Variants in SCAF11 observed in about 807,000 individuals in gnomAD.
The protein encoded by SCAF11 is SR-related CTD associated factor 11.
Under a neutral mutation model 140.5 loss-of-function variants are expected in SCAF11, and 47 were observed. The observed-to-expected ratio is 0.33, with a 90% confidence interval of 0.26 to 0.43. The LOEUF is 0.43. Among genes scored for constraint, SCAF11 ranks in the 20% least tolerant of loss-of-function variants. The pLI is 1.00. For synonymous variants in SCAF11, 557 were observed against 579.4 expected (o/e 0.96, Z 0.55); for missense variants, 1,645 against 1,705.1 (o/e 0.96, Z 0.62).
intron 6 of SCAF11, among the ~76,000 whole-genome samples, chr12:45,937,025 A>T (rs1945187467): frequency 6.6e-6 from 1 of 152,122 alleles, no homozygotes; most frequent in African/African-American, 2.4e-5. Flanking sequence ...GACTTCTAGA[A>T]CTTTATGAAG....
intron 3 of SCAF11, among the ~76,000 whole-genome samples, chr12:45,957,972 A>G (rs1945735676): frequency 6.6e-6 from 1 of 152,024 alleles, no homozygotes; most frequent in Admixed American, 6.6e-5. Context: ...AGATAAATGT[A>G]GTCTCGACCT....
At chr12:45,971,525 T>A (rs1373176967) in intron 1 of SCAF11, among the ~76,000 whole-genome samples, 1 of 152,116 alleles carries the variant, frequency 6.6e-6, no homozygotes, top group Non-Finnish European at 1.5e-5. Flanking sequence ...CTTTTCTCCA[T>A]CCAGAATCCC....
intron 3 of SCAF11, among the ~76,000 whole-genome samples, chr12:45,954,576 T>C (rs1454785233): frequency 1.3e-5 from 2 of 151,468 alleles, no homozygotes; most frequent in Admixed American, 6.6e-5. Flanking sequence ...TTACTTTTTT[T>C]TTTTTTTTTT....
chr12:45,976,953 T>C (rs1946248783), intron 1 of SCAF11, among the ~76,000 whole-genome samples: 1 of 152,082 alleles, frequency 6.6e-6, no homozygotes, highest in South Asian at 2.1e-4. Flanking sequence ...ACTGATGATG[T>C]AGATAGCCTG....
At chr12:45,953,220 G>GA (rs1945592040) in intron 3 of SCAF11, among the ~76,000 whole-genome samples, 1 of 152,126 alleles carries the variant, frequency 6.6e-6, no homozygotes, top group South Asian at 2.1e-4. Flanking sequence ...CCTTAAGAAG[G>GA]TTTGCTTCAG....
intron 1 of SCAF11, among the ~76,000 whole-genome samples, chr12:45,981,388 G>C (rs1946346269): frequency 6.6e-6 from 1 of 152,078 alleles, no homozygotes; most frequent in Non-Finnish European, 1.5e-5. Context: ...CCATGCCAAA[G>C]AAATAACCCT....
chr12:45,946,532 C>T (rs950682839), intron 5 of SCAF11, among the ~76,000 whole-genome samples: 1 of 151,964 alleles, frequency 6.6e-6, no homozygotes, highest in Non-Finnish European at 1.5e-5. Context: ...AATATGGGGA[C>T]GACTTTTGCT....
intron 3 of SCAF11, among the ~76,000 whole-genome samples, chr12:45,953,570 G>A (rs1332366924): frequency 2.0e-5 from 3 of 152,012 alleles, no homozygotes; most frequent in Non-Finnish European, 4.4e-5. Context: ...AAAATTAAAA[G>A]TGTAATATTT....
intron 1 of SCAF11, among the ~76,000 whole-genome samples, chr12:45,967,543 G>A (rs567280465): frequency 1.3e-5 from 2 of 152,032 alleles, no homozygotes; most frequent in African/African-American, 2.4e-5. Flanking sequence ...ACAAGGGAGG[G>A]TGAGGCAGGA....
At chr12:45,949,412 A>G (rs1053701314) in intron 4 of SCAF11, among the ~76,000 whole-genome samples, 1 of 152,180 alleles carries the variant, frequency 6.6e-6, no homozygotes, top group African/African-American at 2.4e-5. Flanking sequence ...AATACATTAG[A>G]TATATTGGAT....
intron 1 of SCAF11, among the ~76,000 whole-genome samples, chr12:45,985,249 G>T (rs1946437060): frequency 6.6e-6 from 1 of 152,120 alleles, no homozygotes; most frequent in Non-Finnish European, 1.5e-5. Flanking sequence ...CTTCTCACCA[G>T]GAGAACTCTG....
chr12:45,991,865 G>A (rs1946620492), upstream of SCAF11: 3 of 1,282,276 alleles, frequency 2.3e-6, no homozygotes, highest in Non-Finnish European at 3.0e-6. Flanking sequence ...ACTAAGCTCT[G>A]CTCCCCGCGC....
chr12:45,942,868 G>A (rs779096463), intron 6 of SCAF11, among the ~76,000 whole-genome samples: 2 of 152,018 alleles, frequency 1.3e-5, no homozygotes, highest in Admixed American at 6.6e-5. Flanking sequence ...GTTTGTCTAC[G>A]AGAAGATCCC....
intron 4 of SCAF11, among the ~76,000 whole-genome samples, chr12:45,948,853 T>C (rs1392917785): frequency 6.6e-6 from 1 of 152,070 alleles, no homozygotes; most frequent in Non-Finnish European, 1.5e-5. Flanking sequence ...AATGAGTAGA[T>C]GATGTATGAG....
At chr12:45,989,719 G>T (rs1466179042) in intron 1 of SCAF11, among the ~76,000 whole-genome samples, 1 of 152,158 alleles carries the variant, frequency 6.6e-6, no homozygotes, top group Non-Finnish European at 1.5e-5. Context: ...TTAAAACACT[G>T]GGGGTGGATG....
At chr12:45,924,386 A>T (rs971211279) in intron 12 of SCAF11, among the ~76,000 whole-genome samples, 4 of 152,128 alleles carry the variant, frequency 2.6e-5, no homozygotes, top group Admixed American at 2.6e-4. Context: ...TATACCCCCT[A>T]AACAGTGCAA....
At chr12:45,934,037 G>T in intron 8 of SCAF11, 139 bp downstream of exon 8, 2 of 519,636 alleles carry the variant, frequency 3.8e-6, no homozygotes, top group African/African-American at 2.0e-5. Flanking sequence ...CTTCCCCCCC[G>T]CCCAAAAAAA....
intron 6 of SCAF11, among the ~76,000 whole-genome samples, chr12:45,942,440 A>C (rs763739113): frequency 6.6e-6 from 1 of 152,234 alleles, no homozygotes; most frequent in Non-Finnish European, 1.5e-5. Flanking sequence ...TTCCCTTCAC[A>C]GCCAGAGTAA....
chr12:45,962,926 A>T lies in SCAF11; in HGVS notation c.62-1069T>A, dbSNP rs116414996. 4.1e-3 allele frequency among the ~76,000 whole-genome samples: 629 copies of T among 152,350 alleles called. 6 individuals carry two copies. The highest frequency in any genetic ancestry group is 0.013 in the African/African-American group (548 of 41,580). On this transcript the variant is annotated intron_variant, in intron 2 of 14. Transcript: ENST00000369367. ...AAACATTACCAAACCTAAGAAAATA[A>T]GCTGTCTTGAGTGAGAAGCAGCAGG... is the stretch of plus-strand genomic sequence containing the variant.
Sources: allele counts gnomAD v4.1 joint callset (sites outside exome capture counted in the v4.1 genomes callset), GRCh38; gene constraint gnomAD v4.1.1; transcripts MANE v1.5; gene names NCBI Gene and HGNC (gene_info 2026-07-23, HGNC 2026-07-21).